The following OPRD1 variants were observed in gnomAD, a reference collection of about 807,000 sequenced individuals.
The protein encoded by OPRD1 is opioid receptor delta 1, also known as delta-type opioid receptor.
OPRD1 carries 19 observed loss-of-function variants against 17.5 expected under a neutral mutation model. That is an observed-to-expected ratio of 1.09 (90% confidence interval 0.76 to 1.60). OPRD1 has a LOEUF of 1.60. Among genes scored for constraint, OPRD1 ranks in the 40% most tolerant of loss-of-function variants. The probability of loss-of-function intolerance (pLI) is 0.00; values close to 1 mark genes in which losing one functional copy is unlikely to be tolerated. For missense variants in OPRD1, 483 were observed against 547.2 expected (o/e 0.88, Z 1.17); for synonymous variants, 256 against 240.9 (o/e 1.06, Z -0.58).
chr1:28,840,242 T>C (rs2088884427), intron 1 of OPRD1, among the ~76,000 whole-genome samples: 1 of 152,156 alleles, frequency 6.6e-6, no homozygotes, highest in African/African-American at 2.4e-5. Flanking sequence ...ACAGACGTGA[T>C]CCCTGCCCTC....
chr1:28,842,264 A>G (rs1272380009), intron 1 of OPRD1, among the ~76,000 whole-genome samples: 1 of 152,168 alleles, frequency 6.6e-6, no homozygotes, highest in Admixed American at 6.5e-5. Flanking sequence ...GCCTGAGCTC[A>G]AGCAATTCAC....
At chr1:28,857,685 T>G (rs1392448192) in intron 1 of OPRD1, among the ~76,000 whole-genome samples, 2 of 152,266 alleles carry the variant, frequency 1.3e-5, no homozygotes, top group East Asian at 1.9e-4. Flanking sequence ...GGGGTTTCAC[T>G]GTGTCGCCCA....
intron 1 of OPRD1, among the ~76,000 whole-genome samples, chr1:28,853,631 G>A (rs1194769917): frequency 2.0e-5 from 3 of 152,204 alleles, no homozygotes; most frequent in African/African-American, 7.2e-5. Context: ...TGGGGAACAG[G>A]ACAGAGGAAT....
chr1:28,847,159 C>T (rs2088961450), intron 1 of OPRD1, among the ~76,000 whole-genome samples: 1 of 151,900 alleles, frequency 6.6e-6, no homozygotes, highest in African/African-American at 2.4e-5. Context: ...TCAACCAATT[C>T]TCCTACTTCA....
intron 1 of OPRD1, among the ~76,000 whole-genome samples, chr1:28,826,368 A>T (rs1557570264): frequency 6.6e-6 from 1 of 152,110 alleles, no homozygotes. Flanking sequence ...ACAAAAAAAT[A>T]CAAAAATTAG....
chr1:28,839,092 A>C (rs955739342), intron 1 of OPRD1, among the ~76,000 whole-genome samples: 1 of 152,160 alleles, frequency 6.6e-6, no homozygotes, highest in Non-Finnish European at 1.5e-5. Flanking sequence ...TGCCAAAATA[A>C]ATTACTGCAG....
intron 1 of OPRD1, among the ~76,000 whole-genome samples, chr1:28,838,158 G>T (rs1037389221): frequency 2.0e-5 from 3 of 152,046 alleles, no homozygotes; most frequent in Admixed American, 6.6e-5. Context: ...GTGGTGAAAT[G>T]ATGATAGTGA....
chr1:28,829,292 G>C (rs1161077858), intron 1 of OPRD1, among the ~76,000 whole-genome samples: 16 of 148,590 alleles, frequency 1.1e-4, no homozygotes, highest in Admixed American at 1.1e-3. Flanking sequence ...TTAAGGGAAT[G>C]TTGTGGCTGG....
rs527844738 is a variant in OPRD1 at position 28,855,088 on chromosome 1, A to G, written c.228-3866A>G. Among the ~76,000 whole-genome samples, 36 of 152,336 alleles carry G rather than the reference A, an allele frequency of 2.4e-4. No homozygotes were observed. In the East Asian group the frequency reaches 6.6e-3, roughly 28 times the overall value. On this transcript the variant is annotated intron_variant, in intron 1 of 2. Transcript: ENST00000234961. ...GCAGAAAAGAAGATGAATGTAAGTC[A>G]GGAAGTGGTTTGTGCTGTAATGAAA... is the stretch of plus-strand genomic sequence containing the variant.
At position 28,862,946 on chromosome 1, in the gene OPRD1, G is replaced by T. The variant is rs202095557; in HGVS notation, c.782G>T (p.Arg261Leu). 89 of 1,612,564 alleles carry T rather than the reference G, an allele frequency of 5.5e-5. 1 individual carries two copies. The East Asian group carries it at 1.9e-3, about 35-fold the overall frequency. ...GACCGCAGCCTGCGGCGCATCACGC[G>T]CATGGTGCTGGTGGTTGTGGGCGCC... ...EKDRSLRRIT[R>L]MVLVVVGAFV... The change falls in exon 3 of 3, where the codon CGC (arginine) becomes CTC (leucine). Residue 261 changes from arginine to leucine, a missense_variant. By Grantham distance (102) the Arg-to-Leu change is moderately radical. Transcript: ENST00000234961.
rs544678890 is a variant in OPRD1 at position 28,825,057 on chromosome 1, A to T, written c.227+12447A>T. Among the ~76,000 whole-genome samples the T allele has an allele frequency of 2.8e-3, 426 of 150,498 alleles. 5 individuals carry two copies. Among genetic ancestry groups the T allele is most frequent in the African/African-American group, 0.01 (416 of 40,860 alleles). On this transcript the variant is annotated intron_variant, in intron 1 of 2. Transcript: ENST00000234961. The stretch of plus-strand genomic sequence containing the variant: ...CACCGTGTTAGCCAGGATGATCTCG[A>T]TCTCCTGACCTTGTGATCCACCTGC...
chr1:28,859,310 G>A lies in OPRD1; in HGVS notation c.577+7G>A, dbSNP rs1385713332. The A allele has an allele frequency of 6.2e-7, 1 of 1,606,916 alleles. No individual in the cohort carries two copies. The highest frequency in any genetic ancestry group is 2.2e-5 in the East Asian group (1 of 44,776). On this transcript the variant is annotated splice_region_variant and intron_variant, in intron 2 of 2. Coordinates refer to ENST00000234961, the MANE Select transcript of OPRD1 (RefSeq NM_000911.4). ...GCTGTGACCCGTCCCCGGGGTGAGT[G>A]AGTGAGTGCACCATGGCACAGGCCA... is the stretch of plus-strand genomic sequence containing the variant.
chr1:28,818,637 C>T (rs1253349186), intron 1 of OPRD1, among the ~76,000 whole-genome samples: 1 of 152,128 alleles, frequency 6.6e-6, no homozygotes. Flanking sequence ...GCAGGAAAGG[C>T]GTCGTAAGCA....
rs189626945 is a variant in OPRD1 at position 28,822,265 on chromosome 1, A to G, written c.227+9655A>G. Among the ~76,000 whole-genome samples the G allele has an allele frequency of 8.3e-4, 126 of 152,016 alleles. 2 individuals are homozygous for G. The highest frequency in any genetic ancestry group is 4.3e-3 in the East Asian group (22 of 5,142). On this transcript the variant is annotated intron_variant, in intron 1 of 2. Transcript: ENST00000234961. ...CGCCCTGCTATTTCATTATTTCTAT[A>G]AGGAATTTTCCCACAGTCAAAGCTC...
intron 2 of OPRD1, among the ~76,000 whole-genome samples, chr1:28,862,311 T>C (rs2089130704): frequency 6.6e-6 from 1 of 152,192 alleles, no homozygotes; most frequent in African/African-American, 2.4e-5. Flanking sequence ...AGTAATTTCC[T>C]TACACTATGT....
At chr1:28,841,049 A>T (rs540786095) in intron 1 of OPRD1, among the ~76,000 whole-genome samples, 15 of 152,370 alleles carry the variant, frequency 9.8e-5, no homozygotes, top group African/African-American at 3.4e-4. Flanking sequence ...TAAGGAGCAC[A>T]TAAACCACAC....
At chr1:28,823,362 A>C (rs1273870170) in intron 1 of OPRD1, among the ~76,000 whole-genome samples, 2 of 146,486 alleles carry the variant, frequency 1.4e-5, no homozygotes, top group African/African-American at 5.1e-5. Context: ...ACACCCGGCT[A>C]TTCTTTTTTA....
At chr1:28,824,665 A>G (rs991261272) in intron 1 of OPRD1, among the ~76,000 whole-genome samples, 1 of 152,028 alleles carries the variant, frequency 6.6e-6, no homozygotes, top group Non-Finnish European at 1.5e-5. Context: ...CACCCTGCCT[A>G]GAGATGTATA....
intron 1 of OPRD1, among the ~76,000 whole-genome samples, chr1:28,850,114 T>A (rs1490876017): frequency 1.3e-5 from 2 of 152,086 alleles, no homozygotes; most frequent in Non-Finnish European, 2.9e-5. Flanking sequence ...TCTTCTGACC[T>A]CGTGATCTGC....
Sources: allele counts gnomAD v4.1 joint callset (sites outside exome capture counted in the v4.1 genomes callset), GRCh38; gene constraint gnomAD v4.1.1; transcripts MANE v1.5; gene names NCBI Gene and HGNC (gene_info 2026-07-23, HGNC 2026-07-21).